The following LDLRAD3 variants were observed in gnomAD, a reference collection of about 807,000 sequenced individuals.
The protein encoded by LDLRAD3 is low-density lipoprotein receptor class A domain-containing protein 3.
LDLRAD3 carries 20 observed loss-of-function variants against 29.4 expected under a neutral mutation model. The ratio of observed to expected loss-of-function variants is 0.68; its 90% CI spans 0.48 to 0.99. The LOEUF (loss-of-function observed/expected upper bound fraction) is 0.99, where lower values mean the gene tolerates loss of function less well. LDLRAD3 is among the 50% of genes least tolerant of loss of function. The pLI is 0.00. For missense variants in LDLRAD3, 420 were observed against 454.3 expected (o/e 0.92, Z 0.69); for synonymous variants, 157 against 192.7 (o/e 0.81, Z 1.53).
intron 4 of LDLRAD3, among the ~76,000 whole-genome samples, chr11:36,193,134 C>G (rs1002079777): frequency 1.3e-5 from 2 of 152,118 alleles, no homozygotes; most frequent in South Asian, 2.1e-4. Context: ...TCTCCGAGCC[C>G]CAGTTTCCTC....
rs150131796 is a variant in LDLRAD3, at chr11:36,163,201, G to C, written c.455-63884G>C. 24 of 152,394 alleles carry C rather than the reference G, an allele frequency of 1.6e-4. No homozygotes were observed. In the East Asian group the frequency reaches 4.4e-3, roughly 28 times the overall value. 9.4% of individuals were successfully genotyped at this position (152,394 alleles called of 1,614,324 possible). ...CAGTTTTGGTTGATTTCCAACACAG[G>C]CAGTTGCCTGCTTTAATGTCTGGAT... On this transcript the variant is annotated intron_variant, in intron 4 of 5. Coordinates refer to ENST00000315571, the MANE Select transcript of LDLRAD3 (RefSeq NM_174902.4).
chr11:36,011,037 TC>T (rs1590204317), intron 1 of LDLRAD3, among the ~76,000 whole-genome samples: 1 of 152,312 alleles, frequency 6.6e-6, no homozygotes, highest in East Asian at 1.9e-4. Context: ...ACTCCTAACC[TC>T]AGGTGATCTG....
intron 4 of LDLRAD3, among the ~76,000 whole-genome samples, chr11:36,187,492 C>T (rs1854868933): frequency 6.6e-6 from 1 of 152,184 alleles, no homozygotes; most frequent in African/African-American, 2.4e-5. Flanking sequence ...CCACCCCATT[C>T]TTTTTCAGTG....
intron 2 of LDLRAD3, among the ~76,000 whole-genome samples, chr11:36,063,853 C>T (rs1020212710): frequency 6.6e-6 from 1 of 152,146 alleles, no homozygotes; most frequent in Admixed American, 6.5e-5. Flanking sequence ...TGTTAGTCCT[C>T]TAATTTTGTT....
intron 2 of LDLRAD3, among the ~76,000 whole-genome samples, chr11:36,081,344 C>A (rs7928546): frequency 0.12 from 17,622 of 152,242 alleles, 1,292 homozygotes; most frequent in South Asian, 0.19. Flanking sequence ...TTCATCTACT[C>A]GTCATCCATT....
chr11:35,965,559 G>A (rs1013150008), intron 1 of LDLRAD3, among the ~76,000 whole-genome samples: 1 of 152,178 alleles, frequency 6.6e-6, no homozygotes, highest in Non-Finnish European at 1.5e-5. Flanking sequence ...TTCTAAAGCA[G>A]GAAGTCCTCA....
intron 4 of LDLRAD3, among the ~76,000 whole-genome samples, chr11:36,192,060 C>T (rs990589833): frequency 3.9e-5 from 6 of 152,038 alleles, no homozygotes; most frequent in Non-Finnish European, 7.4e-5. Context: ...AAAGAGCTAA[C>T]CAAAATAGTA....
chr11:36,108,581 A>G (rs1853565064), intron 4 of LDLRAD3, among the ~76,000 whole-genome samples: 1 of 152,044 alleles, frequency 6.6e-6, no homozygotes, highest in Admixed American at 6.6e-5. Context: ...GTCTTTCTCA[A>G]GACAAGATGC....
intron 4 of LDLRAD3, among the ~76,000 whole-genome samples, chr11:36,194,767 CT>C (rs1469761075): frequency 6.6e-6 from 1 of 152,186 alleles, no homozygotes; most frequent in Non-Finnish European, 1.5e-5. Context: ...CTCTAAAACT[CT>C]GTCATCCTTG....
chr11:36,079,402 T>C (rs1447795301), intron 2 of LDLRAD3, among the ~76,000 whole-genome samples: 1 of 152,144 alleles, frequency 6.6e-6, no homozygotes, highest in Non-Finnish European at 1.5e-5. Context: ...TGATGATAAA[T>C]AGCATAAGCA....
At chr11:36,178,512 C>T (rs1854711334) in intron 4 of LDLRAD3, among the ~76,000 whole-genome samples, 1 of 152,226 alleles carries the variant, frequency 6.6e-6, no homozygotes, top group African/African-American at 2.4e-5. Flanking sequence ...AAACCCCTTC[C>T]AAATGCCCCT....
intron 3 of LDLRAD3, among the ~76,000 whole-genome samples, chr11:36,082,307 A>C (rs748664725): frequency 6.6e-6 from 1 of 152,160 alleles, no homozygotes; most frequent in Non-Finnish European, 1.5e-5. Flanking sequence ...CCAGGAGTTC[A>C]AGACCAGCCT....
intron 4 of LDLRAD3, among the ~76,000 whole-genome samples, chr11:36,129,829 C>G (rs965200067): frequency 4.6e-5 from 7 of 152,232 alleles, no homozygotes; most frequent in Non-Finnish European, 8.8e-5. Context: ...CCTGACCACC[C>G]TCTATCAAAC....
intron 1 of LDLRAD3, among the ~76,000 whole-genome samples, chr11:35,984,953 T>C (rs1429508441): frequency 3.0e-4 from 41 of 137,822 alleles, no homozygotes; most frequent in Admixed American, 4.8e-4. Flanking sequence ...TTTTTTTTTT[T>C]CCCTGAGACA....
At chr11:36,091,030 A>G (rs920485941) in intron 3 of LDLRAD3, among the ~76,000 whole-genome samples, 1 of 152,196 alleles carries the variant, frequency 6.6e-6, no homozygotes, top group African/African-American at 2.4e-5. Flanking sequence ...AGACTCCTTC[A>G]GTGGGCTCTG....
At chr11:35,952,295 G>A (rs765497463) in intron 1 of LDLRAD3, among the ~76,000 whole-genome samples, 95 of 152,288 alleles carry the variant, frequency 6.2e-4, no homozygotes, top group Non-Finnish European at 1.1e-3. Context: ...TGTATGTGTT[G>A]GGAGAAGAAT....
chr11:36,054,334 G>T (rs1852573703), intron 2 of LDLRAD3, among the ~76,000 whole-genome samples: 1 of 152,174 alleles, frequency 6.6e-6, no homozygotes, highest in Non-Finnish European at 1.5e-5. Context: ...CCCTTTGTAT[G>T]ACTGCAGGGG....
intron 2 of LDLRAD3, among the ~76,000 whole-genome samples, chr11:36,039,263 C>G (rs1001006662): frequency 6.6e-6 from 1 of 152,198 alleles, no homozygotes; most frequent in African/African-American, 2.4e-5. Context: ...GCCACCGCGC[C>G]CGGCCTAAAA....
At chr11:35,983,504 C>T (rs1052681032) in intron 1 of LDLRAD3, among the ~76,000 whole-genome samples, 1 of 152,212 alleles carries the variant, frequency 6.6e-6, no homozygotes, top group African/African-American at 2.4e-5. Flanking sequence ...CACTGGCTGG[C>T]TTACCGTTCA....
Sources: allele counts gnomAD v4.1 joint callset (sites outside exome capture counted in the v4.1 genomes callset), GRCh38; gene constraint gnomAD v4.1.1; transcripts MANE v1.5; gene names NCBI Gene and HGNC (gene_info 2026-07-23, HGNC 2026-07-21).